NDUFA5: variants seen among roughly 807,000 people sequenced by gnomAD.
NDUFA5 encodes NADH dehydrogenase [ubiquinone] 1 alpha subcomplex subunit 5.
In NDUFA5, 11 loss-of-function variants were observed where a neutral mutation model predicts 19.8. That is an observed-to-expected ratio of 0.56 (90% CI 0.35 to 0.92). NDUFA5 has a LOEUF of 0.92. NDUFA5 is among the 40% of genes least tolerant of loss of function. NDUFA5 has a pLI of 0.01. For missense variants in NDUFA5, 109 were observed against 134.2 expected (o/e 0.81, Z 0.93); for synonymous variants, 47 against 46.8 (o/e 1.00, Z -0.01).
chr7:123,538,721 A>G lies in NDUFA5; in HGVS notation c.*3398T>C, dbSNP rs145684439. 6.6e-6 allele frequency: 1 copy of G among 152,302 alleles called. No homozygotes were observed. The highest frequency in any genetic ancestry group is 2.4e-5 in the African/African-American group (1 of 41,574). 9.4% of individuals were successfully genotyped at this position (152,302 alleles called of 1,614,324 possible). A position where few individuals can be genotyped will look rare whatever the true frequency, so the allele number is the denominator to read the frequency against. On this transcript the variant is annotated 3_prime_UTR_variant, in exon 5 of 5. Transcript: ENST00000355749. ...CACTTAGTTTTAATGGGAAGACTGC[A>G]CTCAGCAAATCCAAAATACTAGTGA...
chr7:123,584,489 A>G, the NDUFA5 span, among the ~76,000 whole-genome samples: 1 of 151,974 alleles, frequency 6.6e-6, no homozygotes, highest in Admixed American at 6.6e-5. Flanking sequence ...TTAAGAGTTT[A>G]CATACTAACA....
the NDUFA5 span, among the ~76,000 whole-genome samples, chr7:123,592,629 A>G: frequency 1.6e-4 from 25 of 152,082 alleles, no homozygotes; most frequent in Non-Finnish European, 2.9e-5. Context: ...TTCTAATTTG[A>G]TTGCACTGTG....
chr7:123,598,356 T>G, the NDUFA5 span, among the ~76,000 whole-genome samples: 1 of 152,132 alleles, frequency 6.6e-6, no homozygotes, highest in Non-Finnish European at 1.5e-5. Context: ...CCTTTAGATA[T>G]CTCTAAATGA....
intron 1 of NDUFA5, 75 bp from the exon 2 acceptor site, chr7:123,557,523 A>C (rs931370993): frequency 1.2e-6 from 2 of 1,611,772 alleles, no homozygotes; most frequent in African/African-American, 2.7e-5. Context: ...GAAATACAAA[A>C]CCACGAATCC....
the NDUFA5 span, chr7:123,567,088 G>A: frequency 1.3e-5 from 2 of 152,184 alleles, no homozygotes; most frequent in Admixed American, 1.3e-4. Context: ...TCCTGACTAA[G>A]GTACTGCATA....
chr7:123,571,015 G>A, the NDUFA5 span, among the ~76,000 whole-genome samples: 1 of 152,130 alleles, frequency 6.6e-6, no homozygotes, highest in South Asian at 2.1e-4. Context: ...ATCATTTCCT[G>A]ACAGTGGTTC....
Position 123,538,553 on chromosome 7 carries a change from T to C in NDUFA5, c.*3566A>G, listed in dbSNP as rs898732626. Reference sequence around the variant, plus strand: ...GGCTACAATCTCACTGAACACTTAGTTTTTGTTTTTGTTTTTAGTAGAGAC... The same window carrying C: ...GGCTACAATCTCACTGAACACTTAGCTTTTGTTTTTGTTTTTAGTAGAGAC... On this transcript the variant is annotated 3_prime_UTR_variant, in exon 5 of 5. Coordinates refer to ENST00000355749, the MANE Select transcript of NDUFA5 (RefSeq NM_005000.5). 6.6e-5 allele frequency: 10 copies of C among 152,060 alleles called. No homozygotes were observed. Among genetic ancestry groups the C allele is most frequent in the African/African-American group, 2.2e-4 (9 of 41,364 alleles). 9.4% of individuals were successfully genotyped at this position (152,060 alleles called of 1,614,324 possible).
At chr7:123,600,355 A>G in the NDUFA5 span, among the ~76,000 whole-genome samples, 8 of 152,206 alleles carry the variant, frequency 5.3e-5, no homozygotes, top group Non-Finnish European at 2.9e-5. Context: ...ACTATTATAT[A>G]AACGGATAAA....
intron 4 of NDUFA5, 116 bp downstream of exon 4, chr7:123,545,495 T>C: frequency 1.3e-6 from 1 of 761,754 alleles, no homozygotes; most frequent in Non-Finnish European, 2.3e-6. Flanking sequence ...ATGTGATTAG[T>C]CTTACATATT....
At chr7:123,554,716 C>A (rs1240121448) in intron 2 of NDUFA5, 2 of 150,820 alleles carry the variant, frequency 1.3e-5, no homozygotes, top group Admixed American at 6.6e-5. Flanking sequence ...CAGGGTCTCA[C>A]TCCATCACCC....
In NDUFA5 at chr7:123,537,104, T is replaced by A. The variant is rs558995820; in HGVS notation, c.*5015A>T. On this transcript the variant is annotated 3_prime_UTR_variant, in exon 5 of 5. Transcript: ENST00000355749. ...TAATTTTACAATACCATTTTCCATT[T>A]TCCTTTTCATGATAAATCTATGCAT... The A allele has an allele frequency of 6.6e-5, 10 of 152,364 alleles. No individual in the cohort carries two copies. Among genetic ancestry groups the A allele is most frequent in the African/African-American group, 2.4e-4 (10 of 41,584 alleles). 9.4% of individuals were successfully genotyped at this position (152,364 alleles called of 1,614,324 possible).
the NDUFA5 span, among the ~76,000 whole-genome samples, chr7:123,593,037 T>C: frequency 2.0e-5 from 3 of 152,226 alleles, no homozygotes; most frequent in African/African-American, 7.2e-5. Flanking sequence ...GTTTTCTTTG[T>C]CTCTTTTGAT....
At chr7:123,580,594 T>G in the NDUFA5 span, among the ~76,000 whole-genome samples, 1 of 152,064 alleles carries the variant, frequency 6.6e-6, no homozygotes, top group Non-Finnish European at 1.5e-5. Flanking sequence ...AACCCAGAAC[T>G]GCATCATATG....
chr7:123,562,102 G>C (rs1112593), upstream of NDUFA5, among the ~76,000 whole-genome samples: 3,934 of 152,182 alleles, frequency 0.026, 166 homozygotes, highest in African/African-American at 0.089. Flanking sequence ...TGTTGTGCGT[G>C]AAAACAATGT....
chr7:123,575,643 CA>C, the NDUFA5 span, among the ~76,000 whole-genome samples: 1 of 151,908 alleles, frequency 6.6e-6, no homozygotes, highest in South Asian at 2.1e-4. Flanking sequence ...TTGGTTGTAA[CA>C]ATATGTTTGT....
At chr7:123,562,344 C>T (rs1266825126), upstream of NDUFA5, among the ~76,000 whole-genome samples, 3 of 152,156 alleles carry the variant, frequency 2.0e-5, no homozygotes, top group Admixed American at 6.6e-5. Context: ...AGAGAGTTAG[C>T]CTGTCTTTTG....
At chr7:123,593,686 C>T in the NDUFA5 span, among the ~76,000 whole-genome samples, 1 of 152,110 alleles carries the variant, frequency 6.6e-6, no homozygotes, top group Non-Finnish European at 1.5e-5. Context: ...GGTAACCTGA[C>T]CTTTCTCTCT....
At chr7:123,597,442 G>T in the NDUFA5 span, among the ~76,000 whole-genome samples, 75 of 152,158 alleles carry the variant, frequency 4.9e-4, no homozygotes, top group African/African-American at 1.5e-3. Flanking sequence ...TAAATTAAAC[G>T]TTATCATAAG....
At chr7:123,572,430 C>T in the NDUFA5 span, among the ~76,000 whole-genome samples, 6 of 151,934 alleles carry the variant, frequency 3.9e-5, no homozygotes, top group Non-Finnish European at 8.8e-5. Context: ...CGAGCCACCA[C>T]GCCCAGCCTA....
Sources: gnomAD v4.1 joint callset for allele counts (sites outside exome capture counted in the v4.1 genomes callset) on GRCh38, gnomAD v4.1.1 for gene constraint, MANE v1.5 for transcripts, NCBI Gene and HGNC (gene_info 2026-07-23, HGNC 2026-07-21) for gene names.